Variants in SPATA6L observed in about 807,000 individuals in gnomAD.
SPATA6L encodes spermatogenesis associated 6 like, also known as spermatogenesis associated 6-like protein.
In SPATA6L, 68 loss-of-function variants were observed where a neutral mutation model predicts 49.2. The ratio of observed to expected loss-of-function variants is 1.38; its 90% CI spans 1.14 to 1.69. The LOEUF (loss-of-function observed/expected upper bound fraction) is 1.69. Among genes scored for constraint, SPATA6L ranks in the 40% most tolerant of loss-of-function variants. SPATA6L has a pLI of 0.00. For missense variants in SPATA6L, 668 were observed against 464.3 expected (o/e 1.44, Z -4.03); for synonymous variants, 198 against 165.7 (o/e 1.19, Z -1.50).
intron 7 of SPATA6L, among the ~76,000 whole-genome samples, chr9:4,620,821 T>G (rs892784007): frequency 6.6e-6 from 1 of 152,246 alleles, no homozygotes; most frequent in South Asian, 2.1e-4. Flanking sequence ...ACCCAACTTG[T>G]CCTCCCCAGG....
At chr9:4,607,177 C>A (rs996543880) in intron 9 of SPATA6L, among the ~76,000 whole-genome samples, 4 of 151,988 alleles carry the variant, frequency 2.6e-5, no homozygotes, top group African/African-American at 9.7e-5. Context: ...ATTGGTATAC[C>A]TGAAAGTGAC....
Position 4,666,368 on chromosome 9 carries a change from T to G in SPATA6L, c.-118A>C. 3 of 1,063,084 alleles carry G rather than the reference T, an allele frequency of 2.8e-6. No individual in the cohort carries two copies. The highest frequency in any genetic ancestry group is 4.3e-6 in the Non-Finnish European group (3 of 697,826). 65.9% of individuals were successfully genotyped at this position (1,063,084 alleles called of 1,614,324 possible). A position where few individuals can be genotyped will look rare whatever the true frequency, so the allele number is the denominator to read the frequency against. On this transcript the variant is annotated 5_prime_UTR_variant, in exon 1 of 12. Coordinates refer to ENST00000682582, the MANE Select transcript of SPATA6L (RefSeq NM_001353486.2). The stretch of plus-strand genomic sequence containing the variant: ...CAAATGTTCCCAGAAGCTTCCCCAG[T>G]CCCACGCCCTTGTTCCCCTACCGTC...
chr9:4,662,959 A>G lies in SPATA6L; in HGVS notation c.40-923T>C, dbSNP rs1840218913. The stretch of plus-strand genomic sequence containing the variant: ...GTCCGCAGGCGCCGCCCGGCCCACA[A>G]CCAGATGGACATGTTTGTCACTCTC... On this transcript the variant is annotated intron_variant, in intron 1 of 11. Coordinates refer to ENST00000682582, the MANE Select transcript of SPATA6L (RefSeq NM_001353486.2). The surrounding 1 kb of genome is among the most constrained non-coding windows in gnomAD (Gnocchi z 4.9). 2 of 1,611,042 alleles carry G rather than the reference A, an allele frequency of 1.2e-6. No individual in the cohort carries two copies. Among genetic ancestry groups the G allele is most frequent in the African/African-American group, 1.3e-5 (1 of 74,294 alleles).
chr9:4,656,128 T>A (rs755924088), intron 2 of SPATA6L, 39 bp from the exon 3 acceptor site: 2 of 1,564,996 alleles, frequency 1.3e-6, no homozygotes, highest in Non-Finnish European at 1.8e-6. Context: ...TTCAAAGTTG[T>A]ATTAATAAGC....
chr9:4,608,027 A>G (rs1161697903), intron 9 of SPATA6L, among the ~76,000 whole-genome samples: 1 of 149,770 alleles, frequency 6.7e-6, no homozygotes, highest in East Asian at 2.0e-4. Context: ...TTAAACCAAT[A>G]AAGATCAAAA....
At chr9:4,614,870 A>G (rs1363167984) in intron 9 of SPATA6L, among the ~76,000 whole-genome samples, 2 of 152,216 alleles carry the variant, frequency 1.3e-5, no homozygotes, top group South Asian at 2.1e-4. Flanking sequence ...GAGATGGCCA[A>G]TAAAACTCTG....
intron 11 of SPATA6L, among the ~76,000 whole-genome samples, chr9:4,603,213 C>T (rs1396908826): frequency 3.9e-5 from 6 of 152,098 alleles, no homozygotes; most frequent in Admixed American, 1.3e-4. Context: ...AGGCAGATCA[C>T]GAGGTCAGGA....
intron 3 of SPATA6L, among the ~76,000 whole-genome samples, chr9:4,644,384 AAAC>A (rs1458084277): frequency 6.6e-6 from 1 of 151,610 alleles, no homozygotes; most frequent in Non-Finnish European, 1.5e-5. Flanking sequence ...TAAAAAATTT[AAAC>A]AACAATATAA....
chr9:4,631,719 T>C (rs574605040), intron 4 of SPATA6L, among the ~76,000 whole-genome samples: 1 of 152,350 alleles, frequency 6.6e-6, no homozygotes, highest in East Asian at 1.9e-4. Flanking sequence ...TAATTCATTC[T>C]TACTTCCTAC....
intron 2 of SPATA6L, among the ~76,000 whole-genome samples, chr9:4,656,947 C>A (rs190830094): frequency 6.6e-6 from 1 of 150,648 alleles, no homozygotes; most frequent in African/African-American, 2.5e-5. Flanking sequence ...AGCAGCTACA[C>A]TCCCATAGAA....
At chr9:4,630,539 C>A (rs1003109907) in intron 4 of SPATA6L, among the ~76,000 whole-genome samples, 4 of 152,200 alleles carry the variant, frequency 2.6e-5, no homozygotes, top group African/African-American at 9.6e-5. Context: ...AGGGCATCTT[C>A]CTTCTTTTCT....
intron 3 of SPATA6L, among the ~76,000 whole-genome samples, chr9:4,640,518 C>A (rs1200310347): frequency 6.6e-6 from 1 of 151,920 alleles, no homozygotes; most frequent in Non-Finnish European, 1.5e-5. Flanking sequence ...CCCTGAGAAC[C>A]CAAATATGGC....
rs1824101833 is a variant in SPATA6L, at chr9:4,604,163, T to C, written c.*1+16A>G. On this transcript the variant is annotated intron_variant, in intron 11 of 11. Transcript: ENST00000682582. ...AAGGAGAAGCACTTAAGCTGCTTAC[T>C]TACATAAGACAGTACCTTAAAAATA... is the stretch of plus-strand genomic sequence containing the variant. 1 of 1,562,244 alleles carries C rather than the reference T, an allele frequency of 6.4e-7. No individual in the cohort carries two copies. The highest frequency in any genetic ancestry group is 1.4e-5 in the African/African-American group (1 of 73,254).
Position 4,600,029 on chromosome 9 carries a change from C to A in SPATA6L, c.*782G>T, listed in dbSNP as rs535317547. ...TGTAAGCATTTCATAGATGCACCTT[C>A]CTAACTAACTTTAAAACCTGGCATT... On this transcript the variant is annotated 3_prime_UTR_variant, in exon 12 of 12. Coordinates refer to ENST00000682582, the MANE Select transcript of SPATA6L (RefSeq NM_001353486.2). 6.6e-6 allele frequency among the ~76,000 whole-genome samples: 1 copy of A among 152,320 alleles called. No homozygotes were observed. Among genetic ancestry groups the A allele is most frequent in the South Asian group, 2.1e-4 (1 of 4,824 alleles).
At chr9:4,594,731 C>G (rs1329978269), downstream of SPATA6L, among the ~76,000 whole-genome samples, 1 of 152,116 alleles carries the variant, frequency 6.6e-6, no homozygotes, top group Non-Finnish European at 1.5e-5. Flanking sequence ...AGCCTCTGTC[C>G]AGACATGAAT....
chr9:4,661,654 T>C (rs2130798295), intron 2 of SPATA6L, among the ~76,000 whole-genome samples: 1 of 152,098 alleles, frequency 6.6e-6, no homozygotes, highest in South Asian at 2.1e-4. Flanking sequence ...GTTAAAAAAA[T>C]GCCATGGGAG....
chr9:4,644,835 T>C (rs301461), intron 3 of SPATA6L, among the ~76,000 whole-genome samples: 95,493 of 151,894 alleles, frequency 0.63, 31,950 homozygotes, highest in African/African-American at 0.88. Context: ...TCAGGTCTTA[T>C]GTCACTCAAG....
At chr9:4,629,831 G>T (rs1465347656) in intron 4 of SPATA6L, among the ~76,000 whole-genome samples, 1 of 136,748 alleles carries the variant, frequency 7.3e-6, no homozygotes, top group Non-Finnish European at 1.5e-5. Flanking sequence ...TAATCCTATA[G>T]GGTAGGTACA....
chr9:4,604,680 C>G (rs1217516672), intron 10 of SPATA6L, among the ~76,000 whole-genome samples: 1 of 152,208 alleles, frequency 6.6e-6, no homozygotes, highest in African/African-American at 2.4e-5. Context: ...TTTTAAGTGT[C>G]ATCCTGCAAA....
Sources: gnomAD v4.1 joint callset for allele counts (sites outside exome capture counted in the v4.1 genomes callset) on GRCh38, gnomAD v4.1.1 for gene constraint, Gnocchi (gnomAD v3.1) non-coding constraint, MANE v1.5 for transcripts, NCBI Gene and HGNC (gene_info 2026-07-23, HGNC 2026-07-21) for gene names.